MITF: variants seen among roughly 807,000 people sequenced by gnomAD.
MITF encodes melanocyte inducing transcription factor.
In MITF, 17 loss-of-function variants were observed where a neutral mutation model predicts 60.5. The observed-to-expected ratio is 0.28, with a 90% CI of 0.19 to 0.42. MITF has a LOEUF of 0.42. Ranked by LOEUF, MITF falls within the 10% of genes least tolerant of loss-of-function variation. MITF has a pLI of 1.00. For missense variants in MITF, 622 were observed against 683.5 expected (o/e 0.91, Z 1.00); for synonymous variants, 260 against 248.5 (o/e 1.05, Z -0.43).
intron 1 of MITF, among the ~76,000 whole-genome samples, chr3:69,850,637 T>A (rs552138682): frequency 6.6e-6 from 1 of 152,290 alleles, no homozygotes; most frequent in South Asian, 2.1e-4. Flanking sequence ...TTAGAACCGA[T>A]GTGCTGTCAT....
At chr3:69,905,393 C>T (rs955960975) in intron 2 of MITF, among the ~76,000 whole-genome samples, 2 of 151,598 alleles carry the variant, frequency 1.3e-5, no homozygotes, top group Admixed American at 6.6e-5. Context: ...TCTTGATGAG[C>T]ATTTGCTTTT....
intron 1 of MITF, among the ~76,000 whole-genome samples, chr3:69,741,258 G>A (rs1282649213): frequency 6.6e-6 from 1 of 152,126 alleles, no homozygotes; most frequent in East Asian, 1.9e-4. Context: ...GGCTTTATCT[G>A]CATTCGGCTG....
At chr3:69,948,610 G>A (rs1236466007) in intron 5 of MITF, among the ~76,000 whole-genome samples, 3 of 151,510 alleles carry the variant, frequency 2.0e-5, no homozygotes, top group African/African-American at 4.8e-5. Flanking sequence ...AGGTGGATAC[G>A]AGAAGGAAGG....
chr3:69,755,439 T>G (rs59961399), intron 1 of MITF, among the ~76,000 whole-genome samples: 2,855 of 39,224 alleles, frequency 0.073, 10 homozygotes, highest in East Asian at 0.19. Flanking sequence ...CTGGGTTTTT[T>G]TTTTTTTTTT....
At chr3:69,829,043 A>G (rs1313737466) in intron 1 of MITF, among the ~76,000 whole-genome samples, 3 of 152,172 alleles carry the variant, frequency 2.0e-5, no homozygotes, top group East Asian at 1.9e-4. Flanking sequence ...GTGCTGTCCT[A>G]CAATATGCTA....
chr3:69,769,210 CAGT>C (rs2062353117), intron 1 of MITF, among the ~76,000 whole-genome samples: 1 of 152,090 alleles, frequency 6.6e-6, no homozygotes, highest in South Asian at 2.1e-4. Context: ...ATAATAATAA[CAGT>C]AATAATAACA....
chr3:69,745,357 G>A (rs966202726), intron 1 of MITF, among the ~76,000 whole-genome samples: 1 of 152,098 alleles, frequency 6.6e-6, no homozygotes, highest in Admixed American at 6.5e-5. Context: ...CTCCCTGTGT[G>A]GTGAGGGAAA....
rs113710144 is a variant in MITF, at chr3:69,844,259, G to T, written c.105-34875G>T. Among the ~76,000 whole-genome samples, 7 of 152,194 alleles carry T rather than the reference G, an allele frequency of 4.6e-5. 1 individual carries two copies. Among genetic ancestry groups the T allele is most frequent in the African/African-American group, 1.7e-4 (7 of 41,496 alleles). On this transcript the variant is annotated intron_variant, in intron 1 of 9. Coordinates refer to ENST00000352241, the MANE Select transcript of MITF (RefSeq NM_001354604.2). Reference sequence around the variant, plus strand: ...TAGTAACCAAAACAGCATGGTATTGGTACCAAAACAGATATATAGAACAAT... The same window carrying T: ...TAGTAACCAAAACAGCATGGTATTGTTACCAAAACAGATATATAGAACAAT...
chr3:69,797,500 A>G (rs2566472), intron 1 of MITF, among the ~76,000 whole-genome samples: 1 of 152,154 alleles, frequency 6.6e-6, no homozygotes, highest in Non-Finnish European at 1.5e-5. Context: ...AAATAATACA[A>G]TATTATTTTT....
intron 1 of MITF, among the ~76,000 whole-genome samples, chr3:69,830,248 T>C (rs2063424201): frequency 6.6e-6 from 1 of 152,148 alleles, no homozygotes; most frequent in Non-Finnish European, 1.5e-5. Flanking sequence ...TTGGCCCCTG[T>C]TACTCAATCT....
intron 1 of MITF, among the ~76,000 whole-genome samples, chr3:69,871,576 C>G (rs1202208532): frequency 6.6e-6 from 1 of 152,238 alleles, no homozygotes; most frequent in East Asian, 1.9e-4. Flanking sequence ...TACCCATTCA[C>G]TGCTCCTTAG....
intron 1 of MITF, among the ~76,000 whole-genome samples, chr3:69,798,124 C>T (rs1342403226): frequency 6.6e-6 from 1 of 152,178 alleles, no homozygotes; most frequent in African/African-American, 2.4e-5. Flanking sequence ...GCCTCAGTCT[C>T]CCCATGTGTA....
chr3:69,877,133 C>A (rs1050474919), intron 1 of MITF, among the ~76,000 whole-genome samples: 5 of 152,002 alleles, frequency 3.3e-5, no homozygotes, highest in Non-Finnish European at 7.4e-5. Context: ...CCACTTTGTT[C>A]TGTAGTTGCA....
chr3:69,745,782 A>G (rs1279907474), intron 1 of MITF, among the ~76,000 whole-genome samples: 1 of 152,190 alleles, frequency 6.6e-6, no homozygotes, highest in Admixed American at 6.5e-5. Context: ...ATCTGTGTTC[A>G]AGAAACTTAA....
intron 1 of MITF, among the ~76,000 whole-genome samples, chr3:69,784,881 A>T (rs1395125534): frequency 6.6e-6 from 1 of 152,154 alleles, no homozygotes; most frequent in Non-Finnish European, 1.5e-5. Context: ...TGAAGGTCAG[A>T]TCCAAGGTTT....
intron 2 of MITF, among the ~76,000 whole-genome samples, chr3:69,914,921 A>C (rs775486939): frequency 1.1e-4 from 16 of 152,202 alleles, no homozygotes; most frequent in Non-Finnish European, 4.4e-5. Context: ...AGGACAGTTC[A>C]TATAAAGTCA....
intron 1 of MITF, among the ~76,000 whole-genome samples, chr3:69,838,337 A>C (rs1207091533): frequency 1.4e-5 from 2 of 143,178 alleles, no homozygotes; most frequent in African/African-American, 5.0e-5. Context: ...ACGTCAGCAA[A>C]AGCACTAATT....
At chr3:69,764,156 C>T (rs1051697865) in intron 1 of MITF, among the ~76,000 whole-genome samples, 6 of 152,158 alleles carry the variant, frequency 3.9e-5, no homozygotes, top group South Asian at 2.1e-4. Flanking sequence ...GTTTGGAGTG[C>T]TTATGCTTCC....
At chr3:69,795,589 G>T (rs369018734) in intron 1 of MITF, among the ~76,000 whole-genome samples, 1 of 152,034 alleles carries the variant, frequency 6.6e-6, no homozygotes, top group African/African-American at 2.4e-5. Flanking sequence ...GGCTGAGCAT[G>T]GTGGTGTGTA....
Sources: gnomAD v4.1 joint callset for allele counts (sites outside exome capture counted in the v4.1 genomes callset) on GRCh38, gnomAD v4.1.1 for gene constraint, MANE v1.5 for transcripts, NCBI Gene and HGNC (gene_info 2026-07-23, HGNC 2026-07-21) for gene names.